STRN3: variants seen among roughly 807,000 people sequenced by gnomAD.
The protein encoded by STRN3 is striatin-3.
A neutral mutation model predicts 95.6 loss-of-function variants in STRN3; 29 were observed. The ratio of observed to expected loss-of-function variants is 0.30; its 90% CI spans 0.23 to 0.41. The LOEUF is 0.41. Ranked by LOEUF, STRN3 falls within the 10% of genes least tolerant of loss-of-function variation. The pLI is 1.00. For missense variants in STRN3, 890 were observed against 972.1 expected (o/e 0.92, Z 1.12); for synonymous variants, 331 against 357.6 (o/e 0.93, Z 0.84).
At chr14:30,921,500 A>G (rs537830306) in intron 8 of STRN3, among the ~76,000 whole-genome samples, 2 of 152,310 alleles carry the variant, frequency 1.3e-5, no homozygotes, top group Non-Finnish European at 2.9e-5. Context: ...AAATGATGCA[A>G]CTTCCCTGCT....
chr14:31,025,709 G>T lies in STRN3; in HGVS notation c.282+195C>A, dbSNP rs1413461222. ...CACCGCGTAGCCAGTGAAGGTTGGG[G>T]AGCAAGCTTATGCGGGAAAGAGGGA... On this transcript the variant is annotated intron_variant, in intron 1 of 17. Coordinates refer to ENST00000357479, the MANE Select transcript of STRN3 (RefSeq NM_001083893.2). 4 of 818,280 alleles carry T rather than the reference G, an allele frequency of 4.9e-6. No homozygotes were observed. The South Asian group carries it at 5.4e-5, about 11-fold the overall frequency. 50.7% of individuals were successfully genotyped at this position (818,280 alleles called of 1,614,324 possible). A position where few individuals can be genotyped will look rare whatever the true frequency, so the allele number is the denominator to read the frequency against.
At chr14:30,929,974 A>AAAAAAAAAAAAAAAAC (rs1566441515) in intron 7 of STRN3, among the ~76,000 whole-genome samples, 1 of 149,902 alleles carries the variant, frequency 6.7e-6, no homozygotes, top group Non-Finnish European at 1.5e-5. Context: ...AAAAAAAAAA[A>AAAAAAAAAAAAAAAAC]AAAAACTCAA....
intron 1 of STRN3, among the ~76,000 whole-genome samples, chr14:30,959,771 G>A (rs1269212098): frequency 1.3e-5 from 2 of 152,046 alleles, no homozygotes; most frequent in African/African-American, 4.8e-5. Flanking sequence ...ACCAGCCTGG[G>A]CAACACAGTA....
intron 1 of STRN3, among the ~76,000 whole-genome samples, chr14:30,996,076 A>C (rs916908942): frequency 1.3e-5 from 2 of 152,190 alleles, no homozygotes; most frequent in Non-Finnish European, 2.9e-5. Context: ...TTTATCCCTC[A>C]GTTTATTTTC....
In STRN3 at chr14:30,905,442, T is replaced by C; in HGVS notation, c.2005A>G (p.Ile669Val). 1 of 1,604,078 alleles carries C rather than the reference T, an allele frequency of 6.2e-7. No individual in the cohort carries two copies. Among genetic ancestry groups the C allele is most frequent in the Non-Finnish European group, 8.5e-7 (1 of 1,176,698 alleles). Residue 669 changes from isoleucine to valine, a missense_variant, in exon 15 of 18, where the codon ATA becomes GTA. Transcript: ENST00000357479. ...CCAGAATCTACCTGTGATGAAAGTA[T>C]CACCAATGACTGTGATGTTTCTAAA... ...YDLETSQSLV[I>V]LSSQVDSGLQ...
intron 5 of STRN3, among the ~76,000 whole-genome samples, chr14:30,943,308 C>T (rs769294196): frequency 2.6e-5 from 4 of 152,164 alleles, no homozygotes; most frequent in South Asian, 2.1e-4. Context: ...TCCGGCCAGG[C>T]GCAGTGGCTC....
At chr14:30,921,509 C>T (rs1293776915) in intron 8 of STRN3, among the ~76,000 whole-genome samples, 1 of 152,188 alleles carries the variant, frequency 6.6e-6, no homozygotes, top group Non-Finnish European at 1.5e-5. Context: ...AACTTCCCTG[C>T]TCTAATCCTA....
chr14:31,008,618 A>G (rs1030005168), intron 1 of STRN3, among the ~76,000 whole-genome samples: 5 of 152,250 alleles, frequency 3.3e-5, no homozygotes, highest in Non-Finnish European at 5.9e-5. Context: ...TTATTTAAAT[A>G]TAAGTAAATA....
chr14:30,939,518 T>G (rs1361858490), intron 5 of STRN3, among the ~76,000 whole-genome samples: 2 of 152,154 alleles, frequency 1.3e-5, no homozygotes, highest in Non-Finnish European at 1.5e-5. Context: ...AGAGCTCTAC[T>G]GAAGTTAGCT....
Position 30,935,215 on chromosome 14 carries a change from T to A in STRN3, c.936A>T (p.Glu312Asp). 6.2e-7 allele frequency: 1 copy of A among 1,614,122 alleles called. No homozygotes were observed. The highest frequency in any genetic ancestry group is 8.5e-7 in the Non-Finnish European group (1 of 1,179,986). The change falls in exon 7 of 18, where the codon GAA (glutamate) becomes GAT (aspartate). Residue 312 changes from glutamate to aspartate, a missense_variant. This residue lies in a region of STRN3 where 526 missense variants were observed against 526.3 expected (regional missense o/e 1.00). Transcript: ENST00000357479. ...GTGCTTCTCCAGCTCCTTCACCATCTTCAGCAGTCACTAAAAAATCAAATT... is the reference window on the plus strand; with the variant it reads ...GTGCTTCTCCAGCTCCTTCACCATCATCAGCAGTCACTAAAAAATCAAATT... ...LKEFDFLVTA[E>D]DGEGAGEARS...
chr14:30,922,214 G>C (rs1896902888), intron 8 of STRN3, among the ~76,000 whole-genome samples: 1 of 152,052 alleles, frequency 6.6e-6, no homozygotes, highest in South Asian at 2.1e-4. Flanking sequence ...TATTTTTGTA[G>C]AGATGGTCTC....
intron 1 of STRN3, among the ~76,000 whole-genome samples, chr14:30,967,520 T>C (rs1880590182): frequency 6.6e-6 from 1 of 152,212 alleles, no homozygotes; most frequent in Non-Finnish European, 1.5e-5. Flanking sequence ...AACAAGGGCG[T>C]AGCCCAAAAG....
At position 31,014,377 on chromosome 14, in the gene STRN3, A is replaced by C. The variant is rs1594585635; in HGVS notation, c.282+11527T>G. 2.6e-5 allele frequency among the ~76,000 whole-genome samples: 4 copies of C among 151,812 alleles called. No individual in the cohort carries two copies. The East Asian group carries it at 7.8e-4, about 30-fold the overall frequency. The stretch of plus-strand genomic sequence containing the variant: ...CTGGAACTACAGGCGCGTTGACACC[A>C]CACCCTGCTAATTTTTGTATTTTTA... On this transcript the variant is annotated intron_variant, in intron 1 of 17. Coordinates refer to ENST00000357479, the MANE Select transcript of STRN3 (RefSeq NM_001083893.2).
At chr14:31,017,272 G>T (rs764110844) in intron 1 of STRN3, among the ~76,000 whole-genome samples, 74 of 152,224 alleles carry the variant, frequency 4.9e-4, no homozygotes, top group Middle Eastern at 3.4e-3. Flanking sequence ...GGCCAAGGCA[G>T]GCAAATCACA....
chr14:30,986,100 T>A (rs1267580917), intron 1 of STRN3, among the ~76,000 whole-genome samples: 13 of 152,212 alleles, frequency 8.5e-5, no homozygotes, highest in Non-Finnish European at 1.5e-5. Flanking sequence ...ATGAGAATGA[T>A]CTTTCTATGA....
intron 1 of STRN3, among the ~76,000 whole-genome samples, chr14:31,023,356 A>G (rs1157721061): frequency 6.6e-6 from 1 of 152,202 alleles, no homozygotes; most frequent in East Asian, 1.9e-4. Flanking sequence ...AAGAGCTTTA[A>G]GATGTGATCC....
At chr14:30,980,784 T>TA (rs1316107217) in intron 1 of STRN3, among the ~76,000 whole-genome samples, 1 of 152,162 alleles carries the variant, frequency 6.6e-6, no homozygotes, top group Non-Finnish European at 1.5e-5. Context: ...GAGTTTTCTT[T>TA]AAAAAAATTT....
chr14:30,954,473 C>G (rs960094466), intron 3 of STRN3, among the ~76,000 whole-genome samples: 1 of 152,122 alleles, frequency 6.6e-6, no homozygotes, highest in African/African-American at 2.4e-5. Flanking sequence ...TATACTCTGA[C>G]ATAAATAATT....
chr14:30,929,957 A>AAAAAAAAAAAAAAAAC (rs1878411469), intron 7 of STRN3, among the ~76,000 whole-genome samples: 1 of 138,234 alleles, frequency 7.2e-6, no homozygotes, highest in Non-Finnish European at 1.6e-5. Context: ...AGATTAGCAA[A>AAAAAAAAAAAAAAAAC]AAAAAAAAAA....
Sources: allele counts gnomAD v4.1 joint callset (sites outside exome capture counted in the v4.1 genomes callset), GRCh38; gene constraint gnomAD v4.1.1; regional missense constraint gnomAD v4.1.1; transcripts MANE v1.5; gene names NCBI Gene and HGNC (gene_info 2026-07-23, HGNC 2026-07-21).